Variants in ASL observed in about 807,000 individuals in gnomAD.
The protein encoded by ASL is argininosuccinate lyase.
ASL carries 51 observed loss-of-function variants against 69.1 expected under a neutral mutation model. The observed-to-expected ratio is 0.74, with a 90% CI of 0.59 to 0.93. ASL has a LOEUF of 0.93. ASL is among the 40% of genes least tolerant of loss of function. The pLI, the probability that ASL is intolerant of heterozygous loss-of-function variation, is 0.00. For synonymous variants in ASL, 241 were observed against 247.6 expected (o/e 0.97, Z 0.25); for missense variants, 540 against 623.9 (o/e 0.87, Z 1.43).
intron 5 of ASL, 50 bp downstream of exon 5, chr7:66,082,986 GC>G (rs1786553962): frequency 6.2e-7 from 1 of 1,611,618 alleles, no homozygotes; most frequent in African/African-American, 1.3e-5. Flanking sequence ...ACCTTGAGGA[GC>G]CCAGGGGGCA....
At chr7:66,091,667 T>C in intron 14 of ASL, 1 of 351,002 alleles carries the variant, frequency 2.8e-6, no homozygotes, top group Non-Finnish European at 5.5e-6. Flanking sequence ...TGCAGAGGGC[T>C]ATAATGGCCA....
At position 66,080,263 on chromosome 7, in the gene ASL, G is replaced by A. The variant is rs183878972; in HGVS notation, c.13-1540G>A. 2.7e-3 allele frequency among the ~76,000 whole-genome samples: 411 copies of A among 151,246 alleles called. 3 individuals carry two copies. Among genetic ancestry groups the A allele is most frequent in the African/African-American group, 9.4e-3 (388 of 41,238 alleles). On this transcript the variant is annotated intron_variant, in intron 2 of 16. Coordinates refer to ENST00000304874, the MANE Select transcript of ASL (RefSeq NM_000048.4). ...TAGCCAGGCATGGTGGTGGGCACCTGTAGTCCCAGCTACTCAGGAGGCTGA... is the reference window on the plus strand; with the variant it reads ...TAGCCAGGCATGGTGGTGGGCACCTATAGTCCCAGCTACTCAGGAGGCTGA...
At chr7:66,082,284 G>T in intron 3 of ASL, 84 bp from the exon 4 acceptor site, 1 of 1,391,796 alleles carries the variant, frequency 7.2e-7, no homozygotes, top group Non-Finnish European at 1.0e-6. Flanking sequence ...TCAGTCACCA[G>T]GGATAGGGTG....
chr7:66,087,219 G>A, intron 8 of ASL, 115 bp from the exon 9 acceptor site: 2 of 1,314,548 alleles, frequency 1.5e-6, no homozygotes, highest in African/African-American at 1.5e-5. Context: ...TGGCAACCAG[G>A]ACTTGGTTCT....
chr7:66,081,768 G>A lies in ASL; in HGVS notation c.13-35G>A, dbSNP rs753013599. On this transcript the variant is annotated intron_variant, in intron 2 of 16. Coordinates refer to ENST00000304874, the MANE Select transcript of ASL (RefSeq NM_000048.4). ...GCAAGAAGCACTGTTCTGGAGGGTG[G>A]AGGAGAGACTAATTGTTCTTGCTCT... 6.2e-6 allele frequency: 10 copies of A among 1,604,494 alleles called. No homozygotes were observed. In the South Asian group the frequency reaches 1.0e-4, roughly 16 times the overall value.
At position 66,087,799 on chromosome 7, in the gene ASL, C is replaced by T. The variant is rs1445565689; in HGVS notation, c.718+8C>T. On this transcript the variant is annotated splice_region_variant and intron_variant, in intron 10 of 16. Transcript: ENST00000304874. ...GTGAGCGGGACTTTGTGGGTGAGTC[C>T]TGGGGAGCCAGTCCCCTGCCCTGTG... The T allele has an allele frequency of 2.5e-6, 4 of 1,614,162 alleles. No homozygotes were observed. The South Asian group carries it at 3.3e-5, about 13-fold the overall frequency.
In ASL at chr7:66,089,180, G is replaced by A. The variant is rs781331391; in HGVS notation, c.918+5G>A. On this transcript the variant is annotated splice_donor_5th_base_variant and intron_variant, in intron 12 of 16. Transcript: ENST00000304874. The stretch of plus-strand genomic sequence containing the variant: ...GCTGGGCGTGTGTTTGGGCGGGTGA[G>A]CAAGGCAGGGGGAGGGGCGGGGCCT... 7 of 1,611,712 alleles carry A rather than the reference G, an allele frequency of 4.3e-6. No homozygotes were observed. In the South Asian group the frequency reaches 4.4e-5, roughly 10 times the overall value.
In ASL at chr7:66,092,903, G is replaced by A. The variant is rs1274669918; in HGVS notation, c.1386G>A (p.Gln462=). 1.9e-6 allele frequency: 3 copies of A among 1,607,322 alleles called. No homozygotes were observed. The highest frequency in any genetic ancestry group is 1.7e-6 in the Non-Finnish European group (2 of 1,179,736). Residue 462 remains glutamine (Q), a synonymous_variant, in exon 17 of 17, where the codon CAG becomes CAA. Coordinates refer to ENST00000304874, the MANE Select transcript of ASL (RefSeq NM_000048.4). ...IRQVRALLQA[Q]QA is the part of the protein sequence containing the mutation. ...AGGTGCGGGCGCTACTGCAGGCACA[G>A]CAGGCCTAGGTCCTCCCACACCTGC...
At chr7:66,087,552 G>T (rs1377972435) in intron 9 of ASL, 166 bp downstream of exon 9, 9 of 999,270 alleles carry the variant, frequency 9.0e-6, no homozygotes, top group Non-Finnish European at 9.1e-6. Flanking sequence ...CTCATGGCAG[G>T]GATGCCTGGT....
Position 66,092,064 on chromosome 7 carries a change from C to T in ASL, c.1121C>T (p.Ala374Val). The T allele has an allele frequency of 6.2e-7, 1 of 1,612,984 alleles. No homozygotes were observed. Among genetic ancestry groups the T allele is most frequent in the African/African-American group, 1.3e-5 (1 of 75,018 alleles). ...LSPDMLATDL[A>V]YYLVRKGMPF... ...CCCGACATGCTGGCCACTGACCTTG[C>T]CTATTACCTGGTCCGCAAAGGGGTA... Residue 374 changes from alanine to valine, a missense_variant, in exon 15 of 17, where the codon GCC becomes GTC. Transcript: ENST00000304874.
chr7:66,087,840 TCAGCCCAGCTTC>T, intron 10 of ASL, 49 bp downstream of exon 10: 1 of 1,608,232 alleles, frequency 6.2e-7, no homozygotes, highest in South Asian at 1.1e-5. Context: ...CTTTAGTCCT[TCAGCCCAGCTTC>T]TCTCCAGTTT....
chr7:66,089,549 G>A (rs1002406129), intron 13 of ASL, 63 bp from the exon 14 acceptor site: 2 of 1,573,078 alleles, frequency 1.3e-6, no homozygotes, highest in African/African-American at 1.3e-5. Flanking sequence ...GGGGGGTGGG[G>A]CTGTGGGGAC....
chr7:66,076,236 C>T, intron 2 of ASL, 143 bp downstream of exon 2: 3 of 1,104,680 alleles, frequency 2.7e-6, no homozygotes, highest in Non-Finnish European at 3.9e-6. Flanking sequence ...CACCCCCAGC[C>T]CTCCCGGGCG....
Position 66,092,989 on chromosome 7 carries a change from C to T in ASL, c.*77C>T. 1.3e-6 allele frequency: 2 copies of T among 1,538,964 alleles called. No homozygotes were observed. Among genetic ancestry groups the T allele is most frequent in the South Asian group, 2.3e-5 (2 of 85,380 alleles). ...GTGTTTCCTGCCCCAGCCTGGCTCC[C>T]TCGTTGCTGGGCTTTCGGGGCTGGC... On this transcript the variant is annotated 3_prime_UTR_variant, in exon 17 of 17. Coordinates refer to ENST00000304874, the MANE Select transcript of ASL (RefSeq NM_000048.4).
At chr7:66,079,713 G>A (rs983428556) in intron 2 of ASL, among the ~76,000 whole-genome samples, 2 of 151,988 alleles carry the variant, frequency 1.3e-5, no homozygotes, top group Non-Finnish European at 1.5e-5. Context: ...TCCGCCTCCC[G>A]GGTTCAAGCG....
rs200331931 is a variant in ASL, at chr7:66,085,487, C to A, written c.447-1098C>A. On this transcript the variant is annotated intron_variant, in intron 6 of 16. Coordinates refer to ENST00000304874, the MANE Select transcript of ASL (RefSeq NM_000048.4). ...AACTCTTTCTCAAAAACAACAACAACAAAAAAACAGGCCAGGTATGGTGGC... is the reference window on the plus strand; with the variant it reads ...AACTCTTTCTCAAAAACAACAACAAAAAAAAAACAGGCCAGGTATGGTGGC... 2.9e-3 allele frequency among the ~76,000 whole-genome samples: 421 copies of A among 145,150 alleles called. 7 individuals carry two copies. The East Asian group carries it at 0.041, about 14-fold the overall frequency.
At chr7:66,077,767 C>T (rs1220605229) in intron 2 of ASL, among the ~76,000 whole-genome samples, 1 of 152,128 alleles carries the variant, frequency 6.6e-6, no homozygotes, top group Non-Finnish European at 1.5e-5. Context: ...AAAACCAAAA[C>T]TGGTATTTCC....
chr7:66,085,329 T>C (rs753746349), intron 6 of ASL, among the ~76,000 whole-genome samples: 33 of 151,918 alleles, frequency 2.2e-4, no homozygotes, highest in Non-Finnish European at 3.2e-4. Flanking sequence ...ATACACAAAA[T>C]TAGCTGGGTG....
At chr7:66,078,266 G>A (rs957306553) in intron 2 of ASL, among the ~76,000 whole-genome samples, 64 of 152,236 alleles carry the variant, frequency 4.2e-4, no homozygotes, top group African/African-American at 1.4e-3. Flanking sequence ...GTGGTGCTTT[G>A]CTGGAGATCT....
Sources: allele counts gnomAD v4.1 joint callset (sites outside exome capture counted in the v4.1 genomes callset), GRCh38; gene constraint gnomAD v4.1.1; transcripts MANE v1.5; gene names NCBI Gene and HGNC (gene_info 2026-07-23, HGNC 2026-07-21).